The following PTGER4 variants were observed in gnomAD, a reference collection of about 807,000 sequenced individuals.
PTGER4 encodes prostaglandin E receptor 4.
In PTGER4, 11 loss-of-function variants were observed where a neutral mutation model predicts 33.2. The ratio of observed to expected loss-of-function variants is 0.33; its 90% confidence interval spans 0.21 to 0.55. PTGER4 has a LOEUF of 0.55. PTGER4 is among the 20% of genes least tolerant of loss of function. The probability of loss-of-function intolerance (pLI) is 0.92; values close to 1 mark genes in which losing one functional copy is unlikely to be tolerated. For missense variants in PTGER4, 481 were observed against 650.2 expected (o/e 0.74, Z 2.83); for synonymous variants, 275 against 281.5 (o/e 0.98, Z 0.23).
intron 2 of PTGER4, among the ~76,000 whole-genome samples, chr5:40,690,360 A>G (rs1320856792): frequency 6.6e-6 from 1 of 152,190 alleles, no homozygotes; most frequent in East Asian, 1.9e-4. Flanking sequence ...ATACATGTAC[A>G]TTTAACAAAT....
the PTGER4 span, among the ~76,000 whole-genome samples, chr5:40,726,076 C>T: frequency 4.6e-5 from 7 of 151,698 alleles, no homozygotes; most frequent in East Asian, 5.8e-4. Flanking sequence ...TGAGCCACCG[C>T]GCCTGGCTTC....
the PTGER4 span, chr5:40,715,874 T>C: frequency 3.0e-6 from 1 of 328,908 alleles, no homozygotes. Flanking sequence ...CTTTAAAATG[T>C]ATTCATTTAC....
the PTGER4 span, among the ~76,000 whole-genome samples, chr5:40,745,292 T>C: frequency 6.8e-6 from 1 of 147,992 alleles, no homozygotes; most frequent in African/African-American, 2.5e-5. Flanking sequence ...GTAGGTTTGA[T>C]AAAAGATATG....
chr5:40,693,338 CTTA>C lies in PTGER4; in HGVS notation c.*963_*965del. On this transcript the variant is annotated 3_prime_UTR_variant, in exon 3 of 3. Transcript: ENST00000302472. ...TAAAAAATTTTAAAAATCTAAGCAGCTTATTGTTTCTCTGAAAGTGTGTGTAGT... is the reference window on the plus strand; with the variant it reads ...TAAAAAATTTTAAAAATCTAAGCAGCTTGTTTCTCTGAAAGTGTGTGTAGT... The C allele has an allele frequency of 1.0e-6, 1 of 981,884 alleles. No homozygotes were observed. 60.8% of individuals were successfully genotyped at this position (981,884 alleles called of 1,614,324 possible).
At chr5:40,731,545 C>CA in the PTGER4 span, among the ~76,000 whole-genome samples, 1 of 152,202 alleles carries the variant, frequency 6.6e-6, no homozygotes, top group Non-Finnish European at 1.5e-5. Flanking sequence ...CACATGGAGG[C>CA]ACGAGAGAGA....
rs756693122 is a variant in PTGER4 at position 40,692,337 on chromosome 5, T to G, written c.1426T>G (p.Phe476Val). 1 of 1,607,274 alleles carries G rather than the reference T, an allele frequency of 6.2e-7. No homozygotes were observed. Among genetic ancestry groups the G allele is most frequent in the Non-Finnish European group, 8.5e-7 (1 of 1,176,554 alleles). ...APKGSSLQVT[F>V]PSETLNLSEK... The stretch of plus-strand genomic sequence containing the variant: ...TAAGGGGAGCTCCCTGCAAGTCACA[T>G]TTCCCAGTGAAACACTGAACTTATC... Residue 476 changes from phenylalanine (F) to valine (V), a missense_variant, in exon 3 of 3, where the codon TTT (phenylalanine) becomes GTT (valine). Phe to Val is a conservative substitution (Grantham distance 50, BLOSUM62 -1). This residue lies in a region of PTGER4 where 172 missense variants were observed against 199.2 expected (regional missense o/e 0.86). Coordinates refer to ENST00000302472, the MANE Select transcript of PTGER4 (RefSeq NM_000958.3).
At chr5:40,728,423 G>A in the PTGER4 span, 36 of 1,613,570 alleles carry the variant, frequency 2.2e-5, no homozygotes, top group South Asian at 4.4e-5. Flanking sequence ...TTTGCTGGAC[G>A]GCCATTTCTG....
At chr5:40,723,476 C>T in the PTGER4 span, among the ~76,000 whole-genome samples, 1 of 146,388 alleles carries the variant, frequency 6.8e-6, no homozygotes, top group Non-Finnish European at 1.5e-5. Context: ...AACCTCAAAG[C>T]ATAGGTTTAA....
chr5:40,716,173 T>C, the PTGER4 span: 2 of 1,610,770 alleles, frequency 1.2e-6, no homozygotes, highest in South Asian at 1.1e-5. Context: ...AACAGAGCCA[T>C]CTGGTGGTGT....
At chr5:40,716,405 G>A in the PTGER4 span, 1 of 1,613,892 alleles carries the variant, frequency 6.2e-7, no homozygotes, top group Non-Finnish European at 8.5e-7. Flanking sequence ...ACCTTCTGCT[G>A]CTCCTGGAGC....
chr5:40,686,537 G>C (rs774671530), intron 2 of PTGER4, among the ~76,000 whole-genome samples: 1 of 152,164 alleles, frequency 6.6e-6, no homozygotes, highest in East Asian at 1.9e-4. Context: ...TTGTACATAC[G>C]TTATAAGGGC....
At chr5:40,704,245 T>C in the PTGER4 span, among the ~76,000 whole-genome samples, 2 of 152,284 alleles carry the variant, frequency 1.3e-5, no homozygotes, top group Middle Eastern at 6.8e-3. Flanking sequence ...CACATGATTA[T>C]CTCAATAAAT....
the PTGER4 span, among the ~76,000 whole-genome samples, chr5:40,703,771 C>T: frequency 5.3e-5 from 8 of 151,652 alleles, no homozygotes; most frequent in African/African-American, 1.7e-4. Flanking sequence ...GGCATGGTGG[C>T]AGATGCCTGT....
chr5:40,692,311 C>CT lies in PTGER4; in HGVS notation c.1401dup (p.Lys468Ter). 1 of 1,613,210 alleles carries CT rather than the reference C, an allele frequency of 6.2e-7. No homozygotes were observed. The highest frequency in any genetic ancestry group is 8.5e-7 in the Non-Finnish European group (1 of 1,179,560). On this transcript the variant is annotated frameshift_variant, in exon 3 of 3. Coordinates refer to ENST00000302472, the MANE Select transcript of PTGER4 (RefSeq NM_000958.3). LOFTEE classifies it high-confidence loss of function. ...GGGAGCGGCAGGGCTGGGCCTGCCCCTAAGGGGAGCTCCCTGCAAGTCACA... is the reference window on the plus strand; with the variant it reads ...GGGAGCGGCAGGGCTGGGCCTGCCCCTTAAGGGGAGCTCCCTGCAAGTCACA...
chr5:40,741,114 A>C, the PTGER4 span, among the ~76,000 whole-genome samples: 2 of 152,290 alleles, frequency 1.3e-5, no homozygotes, highest in East Asian at 3.9e-4. Flanking sequence ...ACTCTTTGGC[A>C]TGTCCAGTAA....
chr5:40,692,354 G>T lies in PTGER4; in HGVS notation c.1443G>T (p.Leu481=). The change falls in exon 3 of 3, where the codon CTG becomes CTT. Residue 481 remains leucine (L), a synonymous_variant. Transcript: ENST00000302472. Reference sequence around the variant, plus strand: ...AAGTCACATTTCCCAGTGAAACACTGAACTTATCAGAAAAATGTATATAAT... The same window carrying T: ...AAGTCACATTTCCCAGTGAAACACTTAACTTATCAGAAAAATGTATATAAT... ...SLQVTFPSET[L]NLSEKCI 1 of 1,597,208 alleles carries T rather than the reference G, an allele frequency of 6.3e-7. No individual in the cohort carries two copies. The highest frequency in any genetic ancestry group is 1.1e-5 in the South Asian group (1 of 89,612).
At chr5:40,723,731 G>GA in the PTGER4 span, among the ~76,000 whole-genome samples, 7 of 152,140 alleles carry the variant, frequency 4.6e-5, no homozygotes, top group African/African-American at 1.4e-4. Context: ...CAGGCGTGGT[G>GA]ATGGGCACCT....
chr5:40,723,526 A>G, the PTGER4 span, among the ~76,000 whole-genome samples: 21 of 140,708 alleles, frequency 1.5e-4, no homozygotes, highest in African/African-American at 5.3e-4. Flanking sequence ...AAAAAAAAAA[A>G]AAGAAATATC....
At chr5:40,729,363 C>T in the PTGER4 span, among the ~76,000 whole-genome samples, 1 of 152,128 alleles carries the variant, frequency 6.6e-6, no homozygotes, top group African/African-American at 2.4e-5. Context: ...CAACAATTCC[C>T]TGCCAAAAAT....
Sources: allele counts gnomAD v4.1 joint callset (sites outside exome capture counted in the v4.1 genomes callset), GRCh38; gene constraint gnomAD v4.1.1; regional missense constraint gnomAD v4.1.1; transcripts MANE v1.5; gene names NCBI Gene and HGNC (gene_info 2026-07-23, HGNC 2026-07-21).